TFEC: variants seen among roughly 807,000 people sequenced by gnomAD.
TFEC encodes transcription factor EC.
Under a neutral mutation model 41.6 loss-of-function variants are expected in TFEC, and 31 were observed. The ratio of observed to expected loss-of-function variants is 0.74; its 90% CI spans 0.56 to 1.01. The LOEUF (loss-of-function observed/expected upper bound fraction) is 1.01, where lower values mean the gene tolerates loss of function less well. Among genes scored for constraint, TFEC ranks in the 50% least tolerant of loss-of-function variants. The probability of loss-of-function intolerance (pLI) is 0.00; values close to 1 mark genes in which losing one functional copy is unlikely to be tolerated. For missense variants in TFEC, 402 were observed against 404.1 expected (o/e 0.99, Z 0.04); for synonymous variants, 143 against 140.6 (o/e 1.02, Z -0.12).
At chr7:116,155,433 T>C (rs959814314) in intron 1 of TFEC, among the ~76,000 whole-genome samples, 3 of 152,226 alleles carry the variant, frequency 2.0e-5, no homozygotes, top group Admixed American at 6.5e-5. Flanking sequence ...TACTGTGCCA[T>C]TGGGCCTACA....
chr7:115,999,695 T>C (rs1794512667), intron 1 of TFEC, among the ~76,000 whole-genome samples: 1 of 151,974 alleles, frequency 6.6e-6, no homozygotes, highest in African/African-American at 2.4e-5. Flanking sequence ...TACTGTGATA[T>C]GAGCAAGTAT....
chr7:116,077,641 A>T (rs1339744468), intron 3 of TFEC, among the ~76,000 whole-genome samples: 1 of 152,112 alleles, frequency 6.6e-6, no homozygotes, highest in Non-Finnish European at 1.5e-5. Context: ...ATATCAGACA[A>T]AAAAAACCTT....
At chr7:116,068,828 C>T (rs1310777283) in intron 3 of TFEC, among the ~76,000 whole-genome samples, 5 of 151,524 alleles carry the variant, frequency 3.3e-5, no homozygotes, top group African/African-American at 9.7e-5. Flanking sequence ...AATCAACTTT[C>T]TCTCATTTTT....
intron 1 of TFEC, among the ~76,000 whole-genome samples, chr7:116,113,231 G>T (rs889668398): frequency 6.6e-6 from 1 of 151,890 alleles, no homozygotes; most frequent in Non-Finnish European, 1.5e-5. Flanking sequence ...AAGGGTCTTT[G>T]CAAATGTAAT....
At chr7:115,958,220 A>C (rs1269035772) in intron 3 of TFEC, among the ~76,000 whole-genome samples, 2 of 151,910 alleles carry the variant, frequency 1.3e-5, no homozygotes, top group Non-Finnish European at 2.9e-5. Flanking sequence ...GACAAAGTTG[A>C]GCAAATTAGG....
chr7:115,975,286 A>G (rs1251962758), intron 2 of TFEC, among the ~76,000 whole-genome samples: 7 of 151,850 alleles, frequency 4.6e-5, no homozygotes, highest in Non-Finnish European at 1.0e-4. Context: ...CATTTAGTTA[A>G]ATTTTTAAAT....
intron 1 of TFEC, among the ~76,000 whole-genome samples, chr7:116,130,351 A>G (rs974096690): frequency 9.9e-5 from 15 of 152,252 alleles, no homozygotes; most frequent in African/African-American, 3.6e-4. Flanking sequence ...TGACAAATAT[A>G]TAAGCAAACA....
chr7:116,093,310 T>TA (rs1365204659), intron 3 of TFEC, among the ~76,000 whole-genome samples: 1 of 152,028 alleles, frequency 6.6e-6, no homozygotes, highest in African/African-American at 2.4e-5. Flanking sequence ...CCCTTTATTT[T>TA]AAAAACGAGA....
intron 3 of TFEC, among the ~76,000 whole-genome samples, chr7:116,052,073 T>G (rs1439802900): frequency 6.6e-6 from 1 of 150,918 alleles, no homozygotes; most frequent in African/African-American, 2.4e-5. Flanking sequence ...GCCTACTAGA[T>G]ATCCATCAGA....
At chr7:115,971,845 G>A (rs892285271) in intron 3 of TFEC, among the ~76,000 whole-genome samples, 2 of 151,954 alleles carry the variant, frequency 1.3e-5, no homozygotes, top group African/African-American at 4.8e-5. Context: ...AGAAAACAGA[G>A]ACAAATTTAC....
chr7:116,159,372 A>T (rs1409244657), intron 1 of TFEC, among the ~76,000 whole-genome samples: 1 of 152,018 alleles, frequency 6.6e-6, no homozygotes, highest in Non-Finnish European at 1.5e-5. Context: ...TAAATTCTAC[A>T]TTATATATAA....
At chr7:116,043,133 G>A (rs1477301202) in intron 3 of TFEC, among the ~76,000 whole-genome samples, 1 of 152,108 alleles carries the variant, frequency 6.6e-6, no homozygotes, top group East Asian at 1.9e-4. Flanking sequence ...TTTTATCAAA[G>A]TAGTGAGGGA....
At chr7:116,061,506 A>G (rs570456582) in intron 3 of TFEC, among the ~76,000 whole-genome samples, 6 of 152,182 alleles carry the variant, frequency 3.9e-5, no homozygotes, top group Non-Finnish European at 8.8e-5. Flanking sequence ...AAATTTCTCA[A>G]AGAAAACTTG....
chr7:115,977,812 G>C lies in TFEC; in HGVS notation c.181-3556C>G, dbSNP rs565860235. ...AATTCTATAAATATCAATTCAGAAAGGTGGGTGACAACAAGGAGATGAGAC... is the reference window on the plus strand; with the variant it reads ...AATTCTATAAATATCAATTCAGAAACGTGGGTGACAACAAGGAGATGAGAC... On this transcript the variant is annotated intron_variant, in intron 2 of 7. Coordinates refer to ENST00000265440, the MANE Select transcript of TFEC (RefSeq NM_012252.4). Among the ~76,000 whole-genome samples the C allele has an allele frequency of 3.3e-5, 5 of 151,882 alleles. No homozygotes were observed. In the East Asian group the frequency reaches 9.7e-4, roughly 29 times the overall value.
At chr7:116,090,167 G>T (rs1225262547) in intron 3 of TFEC, among the ~76,000 whole-genome samples, 1 of 152,156 alleles carries the variant, frequency 6.6e-6, no homozygotes, top group African/African-American at 2.4e-5. Context: ...CTTCTGATTG[G>T]TTGATTTTTG....
chr7:116,130,861 T>A (rs1174602019), intron 1 of TFEC, among the ~76,000 whole-genome samples: 1 of 152,144 alleles, frequency 6.6e-6, no homozygotes, highest in Non-Finnish European at 1.5e-5. Context: ...ATTTGCCCAC[T>A]TTGGCCTCCC....
intron 1 of TFEC, among the ~76,000 whole-genome samples, chr7:116,126,971 C>G (rs1798223874): frequency 6.6e-6 from 1 of 152,162 alleles, no homozygotes; most frequent in Non-Finnish European, 1.5e-5. Context: ...GGATTTCTTC[C>G]AAATCTCCAA....
intron 1 of TFEC, among the ~76,000 whole-genome samples, chr7:116,115,106 C>A (rs913696233): frequency 2.6e-5 from 4 of 151,942 alleles, no homozygotes; most frequent in Admixed American, 6.6e-5. Flanking sequence ...TAACGTGGAA[C>A]CTTCTGGATG....
At chr7:115,941,858 A>G (rs374773243) in intron 7 of TFEC, 35 bp downstream of exon 7, 349 of 1,609,136 alleles carry the variant, frequency 2.2e-4, no homozygotes, top group Non-Finnish European at 2.9e-4. Context: ...GTCATGTGTA[A>G]GCTATGTGAC....
Sources: gnomAD v4.1 joint callset for allele counts (sites outside exome capture counted in the v4.1 genomes callset) on GRCh38, gnomAD v4.1.1 for gene constraint, MANE v1.5 for transcripts, NCBI Gene and HGNC (gene_info 2026-07-23, HGNC 2026-07-21) for gene names.